SECISBP2: variants seen among roughly 807,000 people sequenced by gnomAD.
SECISBP2 encodes the protein selenocysteine insertion sequence-binding protein 2.
SECISBP2 carries 96 observed loss-of-function variants against 98.2 expected under a neutral mutation model. The ratio of observed to expected loss-of-function variants is 0.98; its 90% CI spans 0.83 to 1.16. The LOEUF is 1.16. Among genes scored for constraint, SECISBP2 ranks in the 50% most tolerant of loss-of-function variants. SECISBP2 has a pLI of 0.00. For missense variants in SECISBP2, 1,046 were observed against 1,022.9 expected (o/e 1.02, Z -0.31); for synonymous variants, 407 against 370.2 (o/e 1.10, Z -1.14).
chr9:89,343,132 G>A (rs923461041), intron 10 of SECISBP2, among the ~76,000 whole-genome samples: 6 of 152,128 alleles, frequency 3.9e-5, no homozygotes, highest in African/African-American at 1.4e-4. Flanking sequence ...CCTGTGCATG[G>A]GGCACCACTG....
At chr9:89,333,686 A>G (rs1011709013) in intron 6 of SECISBP2, among the ~76,000 whole-genome samples, 15 of 152,244 alleles carry the variant, frequency 9.9e-5, no homozygotes, top group African/African-American at 3.6e-4. Context: ...GCCTCCTGCC[A>G]CACTGTAAGG....
intron 1 of SECISBP2, chr9:89,319,127 C>G (rs1587827369): frequency 1.2e-6 from 1 of 856,824 alleles, no homozygotes; most frequent in Non-Finnish European, 1.4e-6. Context: ...ATTGAAATTT[C>G]AAAGGCTCGT....
intron 7 of SECISBP2, among the ~76,000 whole-genome samples, chr9:89,336,186 C>T (rs1828683195): frequency 6.8e-6 from 1 of 147,204 alleles, no homozygotes; most frequent in Non-Finnish European, 1.5e-5. Context: ...CAGGCATGCA[C>T]CACCACATCC....
intron 14 of SECISBP2, among the ~76,000 whole-genome samples, chr9:89,352,872 ATGGTTGCCTCT>A (rs1831497365): frequency 6.8e-6 from 1 of 146,022 alleles, no homozygotes; most frequent in African/African-American, 2.6e-5. Flanking sequence ...CTGCTGCCTC[ATGGTTGCCTCT>A]TGGAGAATTT....
At chr9:89,366,487 T>G in the SECISBP2 span, among the ~76,000 whole-genome samples, 1 of 152,224 alleles carries the variant, frequency 6.6e-6, no homozygotes, top group African/African-American at 2.4e-5. Context: ...CAAGCCCTTG[T>G]GAACAGGTTT....
rs1232360567 is a variant in SECISBP2 at position 89,347,007 on chromosome 9, A to G, written c.1561A>G (p.Arg521Gly). ...SAPLMKKGKQ[R>G]EIPKAKKPTS... ...CCCACTGATGAAGAAAGGGAAGCAGAGGGAGATCCCCAAGGCCAAGAAGCC... is the reference window on the plus strand; with the variant it reads ...CCCACTGATGAAGAAAGGGAAGCAGGGGGAGATCCCCAAGGCCAAGAAGCC... Residue 521 changes from arginine (R) to glycine (G), a missense_variant, in exon 11 of 17, where the codon AGG (arginine) becomes GGG (glycine). Arg to Gly is a moderately radical substitution (Grantham distance 125). Coordinates refer to ENST00000375807, the MANE Select transcript of SECISBP2 (RefSeq NM_024077.5). The G allele has an allele frequency of 1.9e-6, 3 of 1,614,100 alleles. No individual in the cohort carries two copies. The highest frequency in any genetic ancestry group is 1.7e-6 in the Non-Finnish European group (2 of 1,180,020).
intron 10 of SECISBP2, among the ~76,000 whole-genome samples, chr9:89,342,670 G>C (rs1829830743): frequency 6.6e-6 from 1 of 152,162 alleles, no homozygotes; most frequent in African/African-American, 2.4e-5. Flanking sequence ...GCTAGACACA[G>C]AAACACAACT....
At chr9:89,326,889 G>A (rs1180389221) in intron 4 of SECISBP2, among the ~76,000 whole-genome samples, 1 of 152,184 alleles carries the variant, frequency 6.6e-6, no homozygotes, top group Non-Finnish European at 1.5e-5. Flanking sequence ...AAAAGGTACA[G>A]CGGTGGCTCA....
intron 10 of SECISBP2, 144 bp from the exon 11 acceptor site, chr9:89,346,738 T>G: frequency 1.3e-6 from 1 of 794,320 alleles, no homozygotes; most frequent in Non-Finnish European, 2.2e-6. Context: ...TTCTCAAAGA[T>G]GAGAAGGGTT....
At chr9:89,338,292 C>G (rs906877291) in intron 7 of SECISBP2, among the ~76,000 whole-genome samples, 166 bp from the exon 8 acceptor site, 6 of 151,926 alleles carry the variant, frequency 3.9e-5, no homozygotes, top group Admixed American at 3.9e-4. Context: ...CAGAACTATT[C>G]TAGTGAATGC....
chr9:89,319,511 C>T, intron 1 of SECISBP2, 141 bp from the exon 2 acceptor site: 1 of 932,526 alleles, frequency 1.1e-6, no homozygotes, highest in Non-Finnish European at 1.7e-6. Flanking sequence ...CAAGCAGGTT[C>T]TTGTCTTTAC....
chr9:89,318,686 G>A, intron 1 of SECISBP2, 74 bp downstream of exon 1: 1 of 1,333,898 alleles, frequency 7.5e-7, no homozygotes, highest in African/African-American at 1.6e-5. Flanking sequence ...CGGCCGGGCG[G>A]TGACGGGGCT....
intron 7 of SECISBP2, among the ~76,000 whole-genome samples, chr9:89,335,117 G>C (rs1828420111): frequency 6.6e-6 from 1 of 151,594 alleles, no homozygotes; most frequent in Admixed American, 6.6e-5. Flanking sequence ...TCGGGAGGCT[G>C]AGACAGGAGA....
chr9:89,362,129 G>A, downstream of SECISBP2: 1 of 580,512 alleles, frequency 1.7e-6, no homozygotes, highest in Non-Finnish European at 3.1e-6. Context: ...TAGCCATCCT[G>A]GTTACCTGCT....
intron 2 of SECISBP2, among the ~76,000 whole-genome samples, chr9:89,320,355 C>CAAAAA (rs776426275): frequency 1.9e-5 from 1 of 51,958 alleles, no homozygotes; most frequent in East Asian, 6.1e-4. Flanking sequence ...GACTCTGTCT[C>CAAAAA]AAAAAAAAAA....
intron 1 of SECISBP2, chr9:89,319,021 T>G: frequency 9.7e-7 from 1 of 1,032,626 alleles, no homozygotes; most frequent in Non-Finnish European, 1.2e-6. Context: ...GATGGAGCCC[T>G]GGCGATCGCT....
intron 14 of SECISBP2, among the ~76,000 whole-genome samples, chr9:89,353,155 A>G (rs1564441095): frequency 6.6e-6 from 1 of 152,232 alleles, no homozygotes; most frequent in Non-Finnish European, 1.5e-5. Flanking sequence ...GAAAACACAG[A>G]TTCCAGAGTT....
chr9:89,350,556 C>T (rs1340470229), intron 13 of SECISBP2, 76 bp from the exon 14 acceptor site: 1 of 1,307,132 alleles, frequency 7.7e-7, no homozygotes. Flanking sequence ...CGTCTCTTCT[C>T]CCTGGGGTGG....
At chr9:89,366,970 G>A in the SECISBP2 span, among the ~76,000 whole-genome samples, 1 of 151,702 alleles carries the variant, frequency 6.6e-6, no homozygotes, top group African/African-American at 2.4e-5. Context: ...CCCCATCATG[G>A]GACCACTGAC....
Sources: allele counts gnomAD v4.1 joint callset (sites outside exome capture counted in the v4.1 genomes callset), GRCh38; gene constraint gnomAD v4.1.1; transcripts MANE v1.5; gene names NCBI Gene and HGNC (gene_info 2026-07-23, HGNC 2026-07-21).